Variants in R3HDM2 observed in about 807,000 individuals in gnomAD.
R3HDM2 encodes the protein R3H domain-containing protein 2.
R3HDM2 carries 38 observed loss-of-function variants against 124.5 expected under a neutral mutation model. The ratio of observed to expected loss-of-function variants is 0.31; its 90% CI spans 0.24 to 0.40. The LOEUF is 0.40. Among genes scored for constraint, R3HDM2 ranks in the 10% least tolerant of loss-of-function variants. The pLI is 1.00. For missense variants in R3HDM2, 869 were observed against 1,236.9 expected (o/e 0.70, Z 4.46); for synonymous variants, 391 against 448.0 (o/e 0.87, Z 1.61).
intron 2 of R3HDM2, among the ~76,000 whole-genome samples, chr12:57,348,375 T>C (rs950772241): frequency 6.6e-6 from 1 of 151,990 alleles, no homozygotes; most frequent in African/African-American, 2.4e-5. Context: ...AAGAGCAGCC[T>C]GGGCAACTAG....
intron 20 of R3HDM2, 132 bp downstream of exon 20, chr12:57,258,758 T>C (rs535222490): frequency 4.9e-5 from 41 of 845,262 alleles, no homozygotes; most frequent in Non-Finnish European, 6.2e-5. Context: ...TGCTGTCTAC[T>C]TCCTGTGTTT....
At chr12:57,418,767 T>C (rs1480580924) in intron 1 of R3HDM2, among the ~76,000 whole-genome samples, 1 of 152,116 alleles carries the variant, frequency 6.6e-6, no homozygotes, top group African/African-American at 2.4e-5. Context: ...TTTCACCATA[T>C]TGGCCATAGT....
intron 10 of R3HDM2, among the ~76,000 whole-genome samples, chr12:57,295,155 T>C (rs2049477339): frequency 6.6e-6 from 1 of 152,146 alleles, no homozygotes; most frequent in Non-Finnish European, 1.5e-5. Context: ...ACCCAAGGAG[T>C]TCCAGGCCAA....
chr12:57,267,551 C>T (rs1022602603), intron 18 of R3HDM2, among the ~76,000 whole-genome samples: 2 of 151,924 alleles, frequency 1.3e-5, no homozygotes, highest in African/African-American at 4.8e-5. Context: ...AAGACTCCAT[C>T]TCAAAAAGAA....
chr12:57,342,171 C>G (rs2059629550), intron 2 of R3HDM2, among the ~76,000 whole-genome samples: 1 of 152,118 alleles, frequency 6.6e-6, no homozygotes, highest in South Asian at 2.1e-4. Context: ...AAACTCACCC[C>G]AGATGGATCT....
intron 2 of R3HDM2, among the ~76,000 whole-genome samples, chr12:57,385,889 C>T (rs559990968): frequency 6.6e-6 from 1 of 152,226 alleles, no homozygotes; most frequent in East Asian, 1.9e-4. Flanking sequence ...CCCTGTTTGT[C>T]TTTTTCACTG....
chr12:57,274,692 A>T (rs895138953), intron 14 of R3HDM2, among the ~76,000 whole-genome samples: 1 of 152,168 alleles, frequency 6.6e-6, no homozygotes, highest in African/African-American at 2.4e-5. Flanking sequence ...TAAAACTACA[A>T]AGCCAGGGAA....
intron 2 of R3HDM2, among the ~76,000 whole-genome samples, chr12:57,316,057 A>C (rs1394996885): frequency 6.6e-6 from 1 of 152,222 alleles, no homozygotes; most frequent in Admixed American, 6.5e-5. Flanking sequence ...AGATCACTCC[A>C]CTGTACTCCA....
intron 2 of R3HDM2, among the ~76,000 whole-genome samples, chr12:57,330,641 G>GGCT (rs778535782): frequency 1.9e-4 from 28 of 151,178 alleles, no homozygotes; most frequent in Admixed American, 4.6e-4. Flanking sequence ...CACCGTGCCT[G>GGCT]GCTGGCATTT....
At chr12:57,391,967 G>A (rs2066751794) in intron 2 of R3HDM2, among the ~76,000 whole-genome samples, 1 of 152,168 alleles carries the variant, frequency 6.6e-6, no homozygotes, top group Non-Finnish European at 1.5e-5. Context: ...TTGGAGACCA[G>A]CCTGGCCAAC....
rs1370690005 is a variant in R3HDM2 at position 57,357,972 on chromosome 12, ATTTC to A, written c.-36+37773_-36+37776del. ...TTTTCCAGATATTGTTATGTTACTC[ATTTC>A]TTTTTTTCTTTTTTTTTTTTTAGAC... is the stretch of plus-strand genomic sequence containing the variant. On this transcript the variant is annotated intron_variant, in intron 2 of 23. Transcript: ENST00000402412. Among the ~76,000 whole-genome samples, 4 of 144,618 alleles carry A rather than the reference ATTTC, an allele frequency of 2.8e-5. No individual in the cohort carries two copies. In the South Asian group the frequency reaches 8.8e-4, roughly 32 times the overall value. The allele number at this position is 144,618 out of a possible 152,430, so 94.9% of individuals were successfully genotyped here.
At chr12:57,255,230 C>T (rs767091068) in intron 23 of R3HDM2, 117 bp from the exon 24 acceptor site, 2 of 837,312 alleles carry the variant, frequency 2.4e-6, no homozygotes, top group Non-Finnish European at 3.6e-6. Context: ...CTTCAAAAGC[C>T]TGGCCTTTCT....
chr12:57,417,898 G>A (rs559086520), intron 1 of R3HDM2, among the ~76,000 whole-genome samples: 95 of 152,256 alleles, frequency 6.2e-4, no homozygotes, highest in Non-Finnish European at 1.0e-3. Context: ...ATCAGGCCAG[G>A]AGTGTTCCTA....
intron 2 of R3HDM2, among the ~76,000 whole-genome samples, chr12:57,336,096 T>A (rs926288158): frequency 9.2e-5 from 14 of 151,918 alleles, no homozygotes; most frequent in African/African-American, 1.9e-4. Flanking sequence ...TTTTTTTTTT[T>A]AATTTCATAC....
intron 2 of R3HDM2, among the ~76,000 whole-genome samples, chr12:57,362,862 G>A (rs1041437282): frequency 3.3e-5 from 5 of 151,692 alleles, no homozygotes; most frequent in African/African-American, 1.2e-4. Context: ...TTGCGCTGTT[G>A]CCAGGCTGGG....
chr12:57,283,757 A>G (rs935454605), intron 13 of R3HDM2, 67 bp downstream of exon 13: 7 of 1,484,832 alleles, frequency 4.7e-6, no homozygotes, highest in Non-Finnish European at 6.6e-6. Context: ...AGTAAATATC[A>G]GTGATGTTTC....
intron 1 of R3HDM2, among the ~76,000 whole-genome samples, chr12:57,404,579 T>C (rs1313805236): frequency 6.6e-6 from 1 of 152,132 alleles, no homozygotes; most frequent in Non-Finnish European, 1.5e-5. Context: ...GGCGTGCGCC[T>C]GTAGTCCCAG....
intron 2 of R3HDM2, among the ~76,000 whole-genome samples, chr12:57,372,758 T>A (rs1485855559): frequency 3.3e-5 from 5 of 152,234 alleles, no homozygotes. Flanking sequence ...CCTCTAGTAC[T>A]GAGATAGCAC....
chr12:57,325,952 T>C (rs1479330737), intron 2 of R3HDM2, among the ~76,000 whole-genome samples: 1 of 152,176 alleles, frequency 6.6e-6, no homozygotes, highest in African/African-American at 2.4e-5. Context: ...ATGTTCTGTG[T>C]CACATTTTGG....
Sources: gnomAD v4.1 joint callset for allele counts (sites outside exome capture counted in the v4.1 genomes callset) on GRCh38, gnomAD v4.1.1 for gene constraint, MANE v1.5 for transcripts, NCBI Gene and HGNC (gene_info 2026-07-23, HGNC 2026-07-21) for gene names.